Variants in EXO5 observed in about 807,000 individuals in gnomAD.
EXO5 encodes exonuclease 5.
A neutral mutation model predicts 17.8 loss-of-function variants in EXO5; 11 were observed. The observed-to-expected ratio is 0.62, with a 90% CI of 0.39 to 1.02. The LOEUF is 1.02. Ranked by LOEUF, EXO5 falls within the 50% of genes least tolerant of loss-of-function variation. The probability of loss-of-function intolerance (pLI) is 0.00; values close to 1 mark genes in which losing one functional copy is unlikely to be tolerated. For missense variants in EXO5, 364 were observed against 434.8 expected, an observed-to-expected ratio of 0.84 and a Z score of 1.45; for synonymous variants, 147 against 166.5, an observed-to-expected ratio of 0.88 and a Z score of 0.90.
At chr1:40,512,834 T>G in intron 3 of EXO5, among the ~76,000 whole-genome samples, 1 of 152,152 alleles carries the variant, frequency 6.6e-6, no homozygotes, top group Middle Eastern at 3.2e-3. Context: ...CAGGCTGGTC[T>G]CAAACTCCCG....
In EXO5 at chr1:40,514,931, T is replaced by G; in HGVS notation, c.387T>G (p.His129Gln). The stretch of plus-strand genomic sequence containing the variant: ...ACCTAGCTAGAGAACTAGAACTTCA[T>G]GATCTTGTGACTGTCCCAGTCACCA... ...SIHLARELEL[H>Q]DLVTVPVTTK... is the part of the protein sequence containing the mutation. Residue 129 changes from histidine to glutamine, a missense_variant, in exon 4 of 4, where the codon CAT becomes CAG. Physicochemically the swap from His to Gln is conservative, Grantham distance 24. Coordinates refer to ENST00000415550, the MANE Select transcript of EXO5 (RefSeq NM_001346953.2). 6.2e-7 allele frequency: 1 copy of G among 1,614,194 alleles called. No individual in the cohort carries two copies. Among genetic ancestry groups the G allele is most frequent in the South Asian group, 1.1e-5 (1 of 91,086 alleles).
rs918512571 is a variant in EXO5, at chr1:40,515,078, T to C, written c.534T>C (p.Val178=). ...VFGEGEGVLL[V]GVIDELHYTA... The stretch of plus-strand genomic sequence containing the variant: ...GGGAAGGGGAGGGTGTACTTCTTGT[T>C]GGAGTGATTGATGAGCTGCACTATA... The change falls in exon 4 of 4, where the codon GTT becomes GTC. Residue 178 remains valine, a synonymous_variant. Coordinates refer to ENST00000415550, the MANE Select transcript of EXO5 (RefSeq NM_001346953.2). The C allele has an allele frequency of 3.1e-6, 5 of 1,613,874 alleles. No individual in the cohort carries two copies. The African/African-American group carries it at 6.7e-5, about 22-fold the overall frequency.
chr1:40,514,866 C>T lies in EXO5; in HGVS notation c.322C>T (p.Pro108Ser), dbSNP rs747677933. 6.2e-7 allele frequency: 1 copy of T among 1,614,134 alleles called. No homozygotes were observed. The highest frequency in any genetic ancestry group is 8.5e-7 in the Non-Finnish European group (1 of 1,179,998). The change falls in exon 4 of 4, where the codon CCT becomes TCT. Residue 108 changes from proline (P) to serine (S), a missense_variant. By Grantham distance (74) the Pro-to-Ser change is moderately conservative. Coordinates refer to ENST00000415550, the MANE Select transcript of EXO5 (RefSeq NM_001346953.2). ...YGKELPGFLA[P>S]EKAAVLDTGA... ...GAAGGAGCTTCCTGGTTTCTTGGCA[C>T]CTGAGAAGGCAGCTGTGTTGGACAC...
Position 40,515,852 on chromosome 1 carries a change from T to C in EXO5, c.*186T>C. ...TCAGGGATGAGTGGGAGAGATGGGT[T>C]ATACTGTCCCTGGAGCTTCATCATG... On this transcript the variant is annotated 3_prime_UTR_variant, in exon 4 of 4. Transcript: ENST00000415550. 1.0e-5 allele frequency: 6 copies of C among 594,338 alleles called. No individual in the cohort carries two copies. Among genetic ancestry groups the C allele is most frequent in the Non-Finnish European group, 1.8e-5 (6 of 335,246 alleles). The allele number at this position is 594,338 out of a possible 1,614,324, so 36.8% of individuals were successfully genotyped here. A position where few individuals can be genotyped will look rare whatever the true frequency, so the allele number is the denominator to read the frequency against.
chr1:40,514,463 C>A, intron 3 of EXO5, 52 bp from the exon 4 acceptor site: 5 of 1,412,584 alleles, frequency 3.5e-6, no homozygotes, highest in Non-Finnish European at 4.7e-6. Flanking sequence ...TTTGAAAGTG[C>A]TTTTGAGAAC....
chr1:40,513,138 G>A (rs1185859251), intron 3 of EXO5, among the ~76,000 whole-genome samples: 2 of 152,100 alleles, frequency 1.3e-5, no homozygotes, highest in Admixed American at 6.5e-5. Flanking sequence ...AGTTTCTTGT[G>A]GAGGGAGAAA....
Position 40,514,510 on chromosome 1 carries a change from T to C in EXO5, c.-30-5T>C, listed in dbSNP as rs770913050. The C allele has an allele frequency of 1.2e-4, 179 of 1,555,566 alleles. No individual in the cohort carries two copies. The highest frequency in any genetic ancestry group is 1.5e-4 in the Non-Finnish European group (171 of 1,155,170). ...AACAATGCATTTCTTTAACATGTTA[T>C]GCAGGGCCCTTCTAGCCCAATCCAG... On this transcript the variant is annotated splice_region_variant and splice_polypyrimidine_tract_variant and intron_variant, in intron 3 of 3. Transcript: ENST00000415550.
rs1645869176 is a variant in EXO5 at position 40,515,403 on chromosome 1, A to G, written c.859A>G (p.Ile287Val). Residue 287 changes from isoleucine (I) to valine (V), a missense_variant, in exon 4 of 4, where the codon ATT (isoleucine) becomes GTT (valine). Coordinates refer to ENST00000415550, the MANE Select transcript of EXO5 (RefSeq NM_001346953.2). ...LSLTLSDLPV[I>V]DILKIEYIHQ... is the part of the protein sequence containing the mutation. ...TCTAACACTGTCAGACCTCCCAGTT[A>G]TTGATATCTTGAAGATTGAGTATAT... 1.2e-6 allele frequency: 2 copies of G among 1,613,920 alleles called. No homozygotes were observed. The highest frequency in any genetic ancestry group is 1.6e-4 in the Middle Eastern group (1 of 6,062).
intron 3 of EXO5, among the ~76,000 whole-genome samples, chr1:40,510,446 C>A (rs1219395310): frequency 6.6e-6 from 1 of 152,212 alleles, no homozygotes; most frequent in Admixed American, 6.5e-5. Flanking sequence ...AGTCATCCAT[C>A]CCTAGTGTAC....
chr1:40,511,346 C>T (rs1287411909), intron 3 of EXO5, among the ~76,000 whole-genome samples: 1 of 152,140 alleles, frequency 6.6e-6, no homozygotes, highest in Non-Finnish European at 1.5e-5. Flanking sequence ...AATAAAGTTT[C>T]TTGAAATTAT....
rs772137317 is a variant in EXO5, at chr1:40,514,530, A to T, written c.-15A>T. The T allele has an allele frequency of 6.2e-7, 1 of 1,602,744 alleles. No homozygotes were observed. Among genetic ancestry groups the T allele is most frequent in the East Asian group, 2.2e-5 (1 of 44,796 alleles). On this transcript the variant is annotated 5_prime_UTR_variant, in exon 4 of 4. Coordinates refer to ENST00000415550, the MANE Select transcript of EXO5 (RefSeq NM_001346953.2). ...TGTTATGCAGGGCCCTTCTAGCCCA[A>T]TCCAGAGCTGTACCATGGCAGAGAC... is the stretch of plus-strand genomic sequence containing the variant.
Position 40,514,492 on chromosome 1 carries a change from C to T in EXO5, c.-30-23C>T, listed in dbSNP as rs1298257784. ...TGAGAACGTTTTTATTTGAACAATG[C>T]ATTTCTTTAACATGTTATGCAGGGC... On this transcript the variant is annotated intron_variant, in intron 3 of 3. Coordinates refer to ENST00000415550, the MANE Select transcript of EXO5 (RefSeq NM_001346953.2). 3.3e-6 allele frequency: 5 copies of T among 1,501,554 alleles called. No homozygotes were observed. In the African/African-American group the frequency reaches 5.6e-5, roughly 17 times the overall value. The allele number at this position is 1,501,554 out of a possible 1,614,324, so 93.0% of individuals were successfully genotyped here.
At chr1:40,509,253 C>G (rs930369224) in intron 1 of EXO5, 198 bp from the exon 2 acceptor site, 4 of 152,424 alleles carry the variant, frequency 2.6e-5, no homozygotes, top group South Asian at 2.1e-4. Flanking sequence ...CCCGCGGAGC[C>G]CACAAGTCCG....
chr1:40,509,965 A>T (rs923013337), intron 3 of EXO5, among the ~76,000 whole-genome samples, 175 bp downstream of exon 3: 3 of 152,220 alleles, frequency 2.0e-5, no homozygotes, highest in Non-Finnish European at 2.9e-5. Context: ...TAGGTATTTT[A>T]AAAATGTGTC....
chr1:40,513,137 TGGAG>T (rs972420362), intron 3 of EXO5, among the ~76,000 whole-genome samples: 1 of 152,166 alleles, frequency 6.6e-6, no homozygotes, highest in Non-Finnish European at 1.5e-5. Flanking sequence ...TAGTTTCTTG[TGGAG>T]GGAGAAAATA....
chr1:40,512,166 T>C (rs1203908725), intron 3 of EXO5, among the ~76,000 whole-genome samples: 4 of 152,204 alleles, frequency 2.6e-5, no homozygotes, highest in African/African-American at 4.8e-5. Flanking sequence ...CGTGAACCAC[T>C]GCGCTTGGCC....
Position 40,510,406 on chromosome 1 carries a change from G to A in EXO5, c.-31+616G>A, listed in dbSNP as rs74068721. Among the ~76,000 whole-genome samples, 1,449 of 152,252 alleles carry A rather than the reference G, an allele frequency of 9.5e-3. 25 individuals are homozygous for A. Among genetic ancestry groups the A allele is most frequent in the African/African-American group, 0.033 (1,351 of 41,552 alleles). ...TGCTCTCTTCTGGATTCTTTTCTGCGTAGGAAAGTCCCAGACACATCTGAG... is the reference window on the plus strand; with the variant it reads ...TGCTCTCTTCTGGATTCTTTTCTGCATAGGAAAGTCCCAGACACATCTGAG... On this transcript the variant is annotated intron_variant, in intron 3 of 3. Coordinates refer to ENST00000415550, the MANE Select transcript of EXO5 (RefSeq NM_001346953.2).
chr1:40,510,004 C>A (rs1645742916), intron 3 of EXO5, among the ~76,000 whole-genome samples: 1 of 152,140 alleles, frequency 6.6e-6, no homozygotes, highest in African/African-American at 2.4e-5. Flanking sequence ...AGAACCTTGT[C>A]CAAGCTTACT....
intron 3 of EXO5, among the ~76,000 whole-genome samples, chr1:40,511,965 G>A (rs181759703): frequency 0.015 from 2,334 of 151,428 alleles, 25 homozygotes; most frequent in Non-Finnish European, 0.023. Context: ...TGCACGCTCC[G>A]CCTCCTGGGT....
Sources: gnomAD v4.1 joint callset for allele counts (sites outside exome capture counted in the v4.1 genomes callset) on GRCh38, gnomAD v4.1.1 for gene constraint, MANE v1.5 for transcripts, NCBI Gene and HGNC (gene_info 2026-07-23, HGNC 2026-07-21) for gene names.